The following PLXNA2 variants were observed in gnomAD, a reference collection of about 807,000 sequenced individuals.
PLXNA2 encodes the protein plexin-A2.
PLXNA2 carries 91 observed loss-of-function variants against 193.5 expected under a neutral mutation model. That is an observed-to-expected ratio of 0.47 (90% CI 0.40 to 0.56). The LOEUF is 0.56. Among genes scored for constraint, PLXNA2 ranks in the 20% least tolerant of loss-of-function variants. PLXNA2 has a pLI of 0.00. For synonymous variants in PLXNA2, 997 were observed against 1,027.3 expected (o/e 0.97, Z 0.56); for missense variants, 1,995 against 2,503.2 (o/e 0.80, Z 4.33).
chr1:208,070,140 C>T (rs1373840392), intron 12 of PLXNA2, among the ~76,000 whole-genome samples: 1 of 152,264 alleles, frequency 6.6e-6, no homozygotes, highest in Admixed American at 6.5e-5. Context: ...CCCTGGCCTG[C>T]TCTTCGCTTC....
intron 12 of PLXNA2, among the ~76,000 whole-genome samples, chr1:208,061,413 T>C (rs566204956): frequency 7.2e-5 from 11 of 152,172 alleles, no homozygotes; most frequent in African/African-American, 4.8e-5. Context: ...GAGGATGAGA[T>C]AAAGGCAGTT....
chr1:208,210,003 T>TCTTTTTCAGA, intron 3 of PLXNA2: 1 of 181,434 alleles, frequency 5.5e-6, no homozygotes, highest in Non-Finnish European at 1.1e-5. Context: ...TTTTTTTTTT[T>TCTTTTTCAGA]TGCTTTTGCA....
intron 4 of PLXNA2, among the ~76,000 whole-genome samples, chr1:208,131,606 A>G (rs1448125766): frequency 1.3e-5 from 2 of 152,108 alleles, no homozygotes; most frequent in African/African-American, 2.4e-5. Context: ...GGCTTTCTTG[A>G]GTCTGAGAAC....
At chr1:208,068,280 T>G (rs1307205753) in intron 12 of PLXNA2, among the ~76,000 whole-genome samples, 1 of 152,220 alleles carries the variant, frequency 6.6e-6, no homozygotes. Context: ...GATGACTGGA[T>G]GAGTGGAGGT....
intron 1 of PLXNA2, among the ~76,000 whole-genome samples, chr1:208,239,957 G>A (rs1671994058): frequency 6.6e-6 from 1 of 152,152 alleles, no homozygotes; most frequent in Non-Finnish European, 1.5e-5. Flanking sequence ...AGGGGGGTAT[G>A]GGGGAACACC....
intron 3 of PLXNA2, among the ~76,000 whole-genome samples, chr1:208,148,273 T>C (rs952083608): frequency 2.0e-5 from 3 of 149,226 alleles, no homozygotes; most frequent in South Asian, 2.2e-4. Context: ...GTAGCAGTAA[T>C]AGTATATATA....
At chr1:208,129,211 T>A (rs990019657) in intron 4 of PLXNA2, among the ~76,000 whole-genome samples, 14 of 152,350 alleles carry the variant, frequency 9.2e-5, no homozygotes, top group Middle Eastern at 3.4e-3. Flanking sequence ...GAGAAATGGC[T>A]GTCCTGAGGG....
chr1:208,098,020 A>G (rs1243029084), intron 6 of PLXNA2, among the ~76,000 whole-genome samples: 2 of 151,988 alleles, frequency 1.3e-5, no homozygotes, highest in Admixed American at 6.5e-5. Context: ...GTTTCCCTCT[A>G]TCTTCCTATC....
At chr1:208,062,329 C>T (rs1465933859) in intron 12 of PLXNA2, among the ~76,000 whole-genome samples, 1 of 152,212 alleles carries the variant, frequency 6.6e-6, no homozygotes, top group South Asian at 2.1e-4. Flanking sequence ...GGCAGGTGCA[C>T]TGCTCCCTTC....
Position 208,210,388 on chromosome 1 carries a change from G to C in PLXNA2, c.1263C>G (p.Gly421=), listed in dbSNP as rs758772516. 2 of 1,613,990 alleles carry C rather than the reference G, an allele frequency of 1.2e-6. No individual in the cohort carries two copies. The highest frequency in any genetic ancestry group is 1.7e-6 in the Non-Finnish European group (2 of 1,179,962). The change falls in exon 3 of 32, where the codon GGC becomes GGG. Residue 421 remains glycine (G), a synonymous_variant. Transcript: ENST00000367033. The part of the protein sequence containing the change: ...QPLGGSTPVE[G]LTLYTTSRDR... ...CCCTGCTGGTGGTGTACAGGGTCAG[G>C]CCCTCCACTGGAGTTGAGCCTCCCA...
intron 13 of PLXNA2, among the ~76,000 whole-genome samples, chr1:208,054,991 C>A (rs529952641): frequency 1.3e-5 from 2 of 152,216 alleles, no homozygotes; most frequent in South Asian, 4.2e-4. Context: ...TTTGCCAAGC[C>A]GATTCAGTTG....
At chr1:208,206,127 AT>A (rs2102591570) in intron 3 of PLXNA2, among the ~76,000 whole-genome samples, 1 of 152,342 alleles carries the variant, frequency 6.6e-6, no homozygotes, top group African/African-American at 2.4e-5. Flanking sequence ...TGCTCAGTAA[AT>A]TATGTTATGT....
At chr1:208,243,131 T>G (rs1387430587) in intron 1 of PLXNA2, among the ~76,000 whole-genome samples, 1 of 152,152 alleles carries the variant, frequency 6.6e-6, no homozygotes, top group Non-Finnish European at 1.5e-5. Context: ...CCCATTCCCC[T>G]GATCTCCAGT....
chr1:208,177,898 G>A (rs1303659587), intron 3 of PLXNA2, among the ~76,000 whole-genome samples: 1 of 152,242 alleles, frequency 6.6e-6, no homozygotes, highest in Non-Finnish European at 1.5e-5. Flanking sequence ...TCTCAAGTCT[G>A]AGAATCACTG....
chr1:208,127,990 A>G (rs7517952), intron 4 of PLXNA2, among the ~76,000 whole-genome samples: 82,323 of 152,024 alleles, frequency 0.54, 22,642 homozygotes, highest in African/African-American at 0.57. Flanking sequence ...CCCATCTTGC[A>G]GCATGATTCT....
At position 208,217,413 on chromosome 1, in the gene PLXNA2, C is replaced by G. The variant is rs370003674; in HGVS notation, c.510G>C (p.Gly170=). ...SSVNKTGTMY[G]VIVRSEGEDG... is the part of the protein sequence containing the mutation. ...CCTCACCCTCAGAGCGCACAATCAC[C>G]CCGTACATGGTGCCCGTCTTGTTGA... Residue 170 remains glycine, a synonymous_variant, in exon 2 of 32, where the codon GGG becomes GGC. Coordinates refer to ENST00000367033, the MANE Select transcript of PLXNA2 (RefSeq NM_025179.4). The surrounding 1 kb of genome is among the most constrained non-coding windows in gnomAD (Gnocchi z 4.7). 14 of 1,614,054 alleles carry G rather than the reference C, an allele frequency of 8.7e-6. No individual in the cohort carries two copies. Among genetic ancestry groups the G allele is most frequent in the Middle Eastern group, 3.3e-4 (2 of 6,084 alleles).
At chr1:208,224,870 G>T (rs542479941) in intron 1 of PLXNA2, among the ~76,000 whole-genome samples, 1 of 152,228 alleles carries the variant, frequency 6.6e-6, no homozygotes, top group South Asian at 2.1e-4. Flanking sequence ...ATGAGAAGGT[G>T]GATCTCCTGC....
Position 208,148,887 on chromosome 1 carries a change from C to T in PLXNA2, c.1372-6424G>A, listed in dbSNP as rs547382659. Among the ~76,000 whole-genome samples, 21 of 152,290 alleles carry T rather than the reference C, an allele frequency of 1.4e-4. No individual in the cohort carries two copies. In the South Asian group the frequency reaches 3.7e-3, roughly 27 times the overall value. ...GTGGAAATGTGGGTTCTTTGGAAAACGTACAGTGTAATATAAATATAAAGC... is the reference window on the plus strand; with the variant it reads ...GTGGAAATGTGGGTTCTTTGGAAAATGTACAGTGTAATATAAATATAAAGC... On this transcript the variant is annotated intron_variant, in intron 3 of 31. Coordinates refer to ENST00000367033, the MANE Select transcript of PLXNA2 (RefSeq NM_025179.4).
intron 3 of PLXNA2, among the ~76,000 whole-genome samples, chr1:208,201,228 T>G (rs985179974): frequency 5.9e-5 from 9 of 152,080 alleles, no homozygotes; most frequent in Non-Finnish European, 1.2e-4. Context: ...GAAGGCAGAG[T>G]TGTGCAGCAC....
Sources: gnomAD v4.1 joint callset for allele counts (sites outside exome capture counted in the v4.1 genomes callset) on GRCh38, gnomAD v4.1.1 for gene constraint, Gnocchi (gnomAD v3.1) non-coding constraint, MANE v1.5 for transcripts, NCBI Gene and HGNC (gene_info 2026-07-23, HGNC 2026-07-21) for gene names.